The following CDH4 variants were observed in gnomAD, a reference collection of about 807,000 sequenced individuals.
The protein encoded by CDH4 is cadherin 4, also known as cadherin-4.
Under a neutral mutation model 86.0 loss-of-function variants are expected in CDH4, and 33 were observed. The observed-to-expected ratio is 0.38, with a 90% CI of 0.29 to 0.51. The LOEUF (loss-of-function observed/expected upper bound fraction) is 0.51. CDH4 is among the 20% of genes least tolerant of loss of function. The pLI, the probability that CDH4 is intolerant of heterozygous loss-of-function variation, is 0.86. For synonymous variants in CDH4, 555 were observed against 549.4 expected, an observed-to-expected ratio of 1.01 and a Z score of -0.14; for missense variants, 1,114 against 1,307.4, an observed-to-expected ratio of 0.85 and a Z score of 2.28.
At chr20:61,748,307 A>AT (rs1318714143) in intron 3 of CDH4, among the ~76,000 whole-genome samples, 1 of 152,064 alleles carries the variant, frequency 6.6e-6, no homozygotes, top group Admixed American at 6.5e-5. Context: ...TAATTTTTGT[A>AT]TTTTTAGTAG....
chr20:61,551,581 C>A (rs1021651144), intron 2 of CDH4, among the ~76,000 whole-genome samples: 1 of 152,242 alleles, frequency 6.6e-6, no homozygotes, highest in Non-Finnish European at 1.5e-5. Flanking sequence ...ATGCAGGGAA[C>A]CACGTGACTT....
At chr20:61,905,819 C>T (rs1012620876) in intron 8 of CDH4, among the ~76,000 whole-genome samples, 1 of 152,058 alleles carries the variant, frequency 6.6e-6, no homozygotes, top group Non-Finnish European at 1.5e-5. Flanking sequence ...TCAGAAGGTG[C>T]AGGGGAACCA....
Position 61,462,675 on chromosome 20 carries a change from CT to C in CDH4, c.169+207739del, listed in dbSNP as rs1057384446. 2.3e-3 allele frequency among the ~76,000 whole-genome samples: 356 copies of C among 152,342 alleles called. 2 individuals carry two copies. Among genetic ancestry groups the C allele is most frequent in the African/African-American group, 8.3e-3 (344 of 41,578 alleles). ...ACACTCAGCTCATTGGGGCTCCCCC[CT>C]CTCCCTCCTTCCCTAGGTTTCATCC... is the stretch of plus-strand genomic sequence containing the variant. On this transcript the variant is annotated intron_variant, in intron 2 of 15. Transcript: ENST00000614565.
At chr20:61,407,294 GT>G (rs2069352472) in intron 2 of CDH4, among the ~76,000 whole-genome samples, 1 of 152,162 alleles carries the variant, frequency 6.6e-6, no homozygotes, top group South Asian at 2.1e-4. Flanking sequence ...GAAATGTCAG[GT>G]CCTTAGAGAA....
chr20:61,834,318 G>C (rs1349448344), intron 4 of CDH4, among the ~76,000 whole-genome samples: 1 of 152,250 alleles, frequency 6.6e-6, no homozygotes, highest in East Asian at 1.9e-4. Context: ...AGGATCTGGG[G>C]CCTGGGGTCT....
chr20:61,582,327 G>A lies in CDH4; in HGVS notation c.170-161236G>A, dbSNP rs901474647. ...TGAGCCAGGTGCCCTGCACGGATCC[G>A]CTCTCCTCCTTATTGTTCAAGCGCA... is the stretch of plus-strand genomic sequence containing the variant. On this transcript the variant is annotated intron_variant, in intron 2 of 15. Transcript: ENST00000614565. The surrounding 1 kb of genome is among the most constrained non-coding windows in gnomAD (Gnocchi z 4.2). Among the ~76,000 whole-genome samples, 26 of 151,844 alleles carry A rather than the reference G, an allele frequency of 1.7e-4. No homozygotes were observed. Among genetic ancestry groups the A allele is most frequent in the African/African-American group, 5.8e-4 (24 of 41,168 alleles).
intron 6 of CDH4, among the ~76,000 whole-genome samples, chr20:61,867,809 A>G (rs1983616541): frequency 6.6e-6 from 1 of 152,190 alleles, no homozygotes; most frequent in Non-Finnish European, 1.5e-5. Flanking sequence ...GCAAGCTTCT[A>G]ATGAGCAGTC....
At chr20:61,395,710 G>T (rs1050059511) in intron 2 of CDH4, among the ~76,000 whole-genome samples, 15 of 152,240 alleles carry the variant, frequency 9.9e-5, no homozygotes, top group African/African-American at 3.1e-4. Flanking sequence ...AGCCCAGGAA[G>T]TCAAGACTGC....
intron 2 of CDH4, among the ~76,000 whole-genome samples, chr20:61,691,451 A>G (rs887932161): frequency 6.6e-6 from 1 of 150,966 alleles, no homozygotes. Context: ...GTCTGTGTGT[A>G]TGTGTGTGCA....
At chr20:61,295,732 G>C (rs959171915) in intron 2 of CDH4, among the ~76,000 whole-genome samples, 2 of 152,198 alleles carry the variant, frequency 1.3e-5, no homozygotes, top group African/African-American at 4.8e-5. Context: ...GAAAAGCGGG[G>C]AAGGAGGCGG....
chr20:61,331,612 G>T (rs1600872773), intron 2 of CDH4, among the ~76,000 whole-genome samples: 3 of 108,954 alleles, frequency 2.8e-5, no homozygotes, highest in East Asian at 2.4e-4. Context: ...CCGGCCACCT[G>T]CCCCAGGCCC....
chr20:61,558,838 G>A (rs535359801), intron 2 of CDH4, among the ~76,000 whole-genome samples: 7 of 152,348 alleles, frequency 4.6e-5, no homozygotes, highest in Non-Finnish European at 7.3e-5. Context: ...TCTCACCTCC[G>A]GAGTGGCCAG....
intron 2 of CDH4, among the ~76,000 whole-genome samples, chr20:61,688,849 C>T (rs1456665963): frequency 6.6e-6 from 1 of 152,236 alleles, no homozygotes; most frequent in African/African-American, 2.4e-5. Context: ...TGCAACCCAG[C>T]AGGGGAAACG....
In CDH4 at chr20:61,934,094, G is replaced by A. The variant is rs1476612490; in HGVS notation, c.2418G>A (p.Met806Ile). Residue 806 changes from methionine to isoleucine, a missense_variant, in exon 15 of 16, where the codon ATG (methionine) becomes ATA (isoleucine). Transcript: ENST00000614565. ...GCCAGCTGCAGCAGCCGGAAGCCATGGGGCACGTGCCAAGCAAAGCCCCTG... is the reference window on the plus strand; with the variant it reads ...GCCAGCTGCAGCAGCCGGAAGCCATAGGGCACGTGCCAAGCAAAGCCCCTG... ...DLSQLQQPEA[M>I]GHVPSKAPGV... 1.2e-6 allele frequency: 2 copies of A among 1,611,406 alleles called. No individual in the cohort carries two copies. The highest frequency in any genetic ancestry group is 1.7e-5 in the Admixed American group (1 of 60,012).
chr20:61,929,581 T>C (rs757322442), intron 12 of CDH4, 28 bp from the exon 13 acceptor site: 2 of 1,564,682 alleles, frequency 1.3e-6, no homozygotes, highest in Non-Finnish European at 1.8e-6. Context: ...CGGGCTCTGG[T>C]TGAATGTTTA....
intron 4 of CDH4, 126 bp from the exon 5 acceptor site, chr20:61,844,542 G>A: frequency 1.2e-6 from 1 of 841,870 alleles, no homozygotes; most frequent in Non-Finnish European, 1.8e-6. Flanking sequence ...GATCAGCTGT[G>A]GTCCCCATTG....
At chr20:61,256,673 CTCAT>C (rs529654413) in intron 2 of CDH4, among the ~76,000 whole-genome samples, 65 of 152,304 alleles carry the variant, frequency 4.3e-4, no homozygotes, top group African/African-American at 1.5e-3. Flanking sequence ...ATTGTGTGGA[CTCAT>C]TTTCCAAGTG....
At chr20:61,920,939 G>A (rs1302447078) in intron 9 of CDH4, among the ~76,000 whole-genome samples, 5 of 150,088 alleles carry the variant, frequency 3.3e-5, no homozygotes, top group Non-Finnish European at 5.9e-5. Flanking sequence ...TGGAAGCATG[G>A]TGTCACAGTA....
intron 2 of CDH4, among the ~76,000 whole-genome samples, chr20:61,455,645 G>A (rs929653703): frequency 6.6e-6 from 1 of 152,196 alleles, no homozygotes; most frequent in African/African-American, 2.4e-5. Flanking sequence ...GCCATGCAGG[G>A]TGCATTCACT....
Sources: gnomAD v4.1 joint callset for allele counts (sites outside exome capture counted in the v4.1 genomes callset) on GRCh38, gnomAD v4.1.1 for gene constraint, Gnocchi (gnomAD v3.1) non-coding constraint, MANE v1.5 for transcripts, NCBI Gene and HGNC (gene_info 2026-07-23, HGNC 2026-07-21) for gene names.